MTCL1: variants seen among roughly 807,000 people sequenced by gnomAD.
MTCL1 encodes microtubule cross-linking factor 1.
In MTCL1, 79 loss-of-function variants were observed where a neutral mutation model predicts 141.4. The observed-to-expected ratio is 0.56, with a 90% CI of 0.47 to 0.67. The LOEUF is 0.67. MTCL1 is among the 30% of genes least tolerant of loss of function. The pLI, the probability that MTCL1 is intolerant of heterozygous loss-of-function variation, is 0.00. For synonymous variants in MTCL1, 914 were observed against 875.8 expected (o/e 1.04, Z -0.77); for missense variants, 2,177 against 2,113.9 (o/e 1.03, Z -0.59).
In MTCL1 at chr18:8,784,508, C is replaced by T. The variant is rs115973534; in HGVS notation, c.1396C>T (p.Arg466Trp). 58 of 1,596,578 alleles carry T rather than the reference C, an allele frequency of 3.6e-5. No homozygotes were observed. Among genetic ancestry groups the T allele is most frequent in the East Asian group, 2.9e-4 (13 of 44,672 alleles). The change falls in exon 6 of 17, where the codon CGG (arginine) becomes TGG (tryptophan). Residue 466 changes from arginine to tryptophan, a missense_variant. Transcript: ENST00000359865. ...AAAACACGAGGCCCAGCGGCTAGAG[C>T]GGACGGTGGAGCGCCTCATCACGGA...
rs556580161 is a variant in MTCL1 at position 8,793,219 on chromosome 18, G to A, written c.2010+99G>A. The A allele has an allele frequency of 4.5e-5, 69 of 1,527,096 alleles. 1 individual carries two copies. In the African/African-American group the frequency reaches 5.6e-4, roughly 12 times the overall value. The allele number at this position is 1,527,096 out of a possible 1,614,324, so 94.6% of individuals were successfully genotyped here. ...ATTTTCAAAGAAGGCTGTCTGTTGCGTACAGGCTGCTAGACTCCTGGGCAC... is the reference window on the plus strand; with the variant it reads ...ATTTTCAAAGAAGGCTGTCTGTTGCATACAGGCTGCTAGACTCCTGGGCAC... On this transcript the variant is annotated intron_variant, in intron 8 of 16. Coordinates refer to ENST00000359865, the Ensembl canonical transcript of MTCL1.
At chr18:8,824,531 G>A (rs16954335) in intron 14 of MTCL1, among the ~76,000 whole-genome samples, 168 bp from the exon 14 acceptor site, 17,951 of 152,232 alleles carry the variant, frequency 0.12, 1,114 homozygotes, top group Middle Eastern at 0.15. Flanking sequence ...ATAAATGCCC[G>A]CAGGGTAAGT....
At chr18:8,773,030 A>G (rs1440787642) in intron 4 of MTCL1, among the ~76,000 whole-genome samples, 1 of 152,226 alleles carries the variant, frequency 6.6e-6, no homozygotes, top group East Asian at 1.9e-4. Context: ...GCATATCAAA[A>G]CATCATGTTG....
chr18:8,710,431 G>A (rs2096081150), intron 1 of MTCL1, among the ~76,000 whole-genome samples: 1 of 150,960 alleles, frequency 6.6e-6, no homozygotes, highest in Non-Finnish European at 1.5e-5. Flanking sequence ...CAAAGGCCTG[G>A]GCTTCTCATA....
chr18:8,796,136 C>G (rs2075909743), intron 8 of MTCL1, 96 bp from the exon 8 acceptor site: 1 of 1,212,522 alleles, frequency 8.2e-7, no homozygotes, highest in African/African-American at 1.5e-5. Flanking sequence ...TGCAGCATGA[C>G]AGAGACTGAG....
In MTCL1 at chr18:8,810,677, G is replaced by C. The variant is rs922495212; in HGVS notation, c.2605-2302G>C. 6.6e-6 allele frequency among the ~76,000 whole-genome samples: 1 copy of C among 152,140 alleles called. No homozygotes were observed. Among genetic ancestry groups the C allele is most frequent in the African/African-American group, 2.4e-5 (1 of 41,410 alleles). The stretch of plus-strand genomic sequence containing the variant: ...AGCAGCTCTTTTAAACTGGGATTTT[G>C]TGGTGCTTGGTGCTTTTCTGGTAGT... On this transcript the variant is annotated intron_variant, in intron 11 of 16. Coordinates refer to ENST00000359865, the Ensembl canonical transcript of MTCL1. This position sits in a 1 kb window ranked among gnomAD's most constrained non-coding sequence, Gnocchi z 5.0.
At chr18:8,725,338 C>T (rs1477908971) in intron 4 of MTCL1, among the ~76,000 whole-genome samples, 1 of 152,100 alleles carries the variant, frequency 6.6e-6, no homozygotes, top group African/African-American at 2.4e-5. Context: ...TTCTTTTGTG[C>T]ATAGTAAATC....
At chr18:8,782,348 C>T (rs1200495061) in intron 5 of MTCL1, 1 of 152,206 alleles carries the variant, frequency 6.6e-6, no homozygotes, top group African/African-American at 2.4e-5. Context: ...CCTTTTGAAA[C>T]TTTTGATGGC....
intron 3 of MTCL1, chr18:8,720,023 A>G (rs570439428): frequency 1.0e-3 from 102 of 101,972 alleles, no homozygotes; most frequent in African/African-American, 5.4e-3. Context: ...TTTAAAAACA[A>G]TTTATTTATT....
intron 4 of MTCL1, among the ~76,000 whole-genome samples, chr18:8,762,809 C>T (rs1186008183): frequency 6.6e-6 from 1 of 152,106 alleles, no homozygotes; most frequent in Non-Finnish European, 1.5e-5. Context: ...AGGACTGAGG[C>T]TCTGCGGGAT....
At chr18:8,776,716 A>C in intron 4 of MTCL1, among the ~76,000 whole-genome samples, 1 of 145,954 alleles carries the variant, frequency 6.9e-6, no homozygotes, top group Non-Finnish European at 1.5e-5. Flanking sequence ...CACTCAGGAA[A>C]CACTAGTTAT....
chr18:8,783,419 C>T (rs966398254), intron 5 of MTCL1, 111 bp from the exon 5 acceptor site: 41 of 994,674 alleles, frequency 4.1e-5, no homozygotes, highest in Non-Finnish European at 4.5e-5. Flanking sequence ...ATGGGAAGAT[C>T]GGTGTTTGAT....
chr18:8,766,637 G>A (rs2096461285), intron 4 of MTCL1, among the ~76,000 whole-genome samples: 3 of 152,236 alleles, frequency 2.0e-5, no homozygotes, highest in Non-Finnish European at 4.4e-5. Flanking sequence ...CAGCACCAGA[G>A]ATAATCAAAC....
At chr18:8,808,692 C>G (rs1305216542) in intron 11 of MTCL1, among the ~76,000 whole-genome samples, 1 of 152,252 alleles carries the variant, frequency 6.6e-6, no homozygotes, top group Non-Finnish European at 1.5e-5. Flanking sequence ...TACCTTCTTT[C>G]AGTGGAGCCC....
intron 4 of MTCL1, among the ~76,000 whole-genome samples, chr18:8,731,020 C>T (rs572697199): frequency 2.0e-5 from 3 of 151,966 alleles, no homozygotes; most frequent in South Asian, 2.1e-4. Flanking sequence ...CCGAGGTGGG[C>T]GGATCACGAG....
intron 4 of MTCL1, among the ~76,000 whole-genome samples, chr18:8,771,141 TAATCTTTTTTTAAA>T (rs1484441605): frequency 6.6e-6 from 1 of 152,090 alleles, no homozygotes; most frequent in Non-Finnish European, 1.5e-5. Context: ...ATGGGTAAAA[TAATCTTTTTTTAAA>T]AATTATTTTA....
At chr18:8,799,015 A>T (rs2143938148) in intron 10 of MTCL1, among the ~76,000 whole-genome samples, 1 of 152,334 alleles carries the variant, frequency 6.6e-6, no homozygotes, top group South Asian at 2.1e-4. Flanking sequence ...AATAATAATA[A>T]AGCTGCTCAG....
chr18:8,798,198 T>G (rs757944142), exon 10 of MTCL1: 1 of 1,598,466 alleles, frequency 6.3e-7, no homozygotes, highest in Non-Finnish European at 8.5e-7. Flanking sequence ...GCTGTGGCTT[T>G]CCAGTGGGGG....
chr18:8,776,722 GTTATTTATTTATTTA>G (rs1371517770), intron 4 of MTCL1, among the ~76,000 whole-genome samples: 2 of 142,678 alleles, frequency 1.4e-5, no homozygotes, highest in African/African-American at 5.1e-5. Context: ...GGAAACACTA[GTTATTTATTTATTTA>G]TTTATTTATT....
Sources: allele counts gnomAD v4.1 joint callset (sites outside exome capture counted in the v4.1 genomes callset), GRCh38; gene constraint gnomAD v4.1.1; non-coding constraint Gnocchi (gnomAD v3.1); transcripts MANE v1.5; gene names NCBI Gene and HGNC (gene_info 2026-07-23, HGNC 2026-07-21).